The following SLC44A5 variants were observed in gnomAD, a reference collection of about 807,000 sequenced individuals.
The protein encoded by SLC44A5 is choline transporter-like protein 5.
SLC44A5 carries 57 observed loss-of-function variants against 101.8 expected under a neutral mutation model. The ratio of observed to expected loss-of-function variants is 0.56; its 90% CI spans 0.45 to 0.70. The LOEUF is 0.70. Ranked by LOEUF, SLC44A5 falls within the 30% of genes least tolerant of loss-of-function variation. SLC44A5 has a pLI of 0.00. For synonymous variants in SLC44A5, 281 were observed against 290.9 expected, an observed-to-expected ratio of 0.97 and a Z score of 0.35; for missense variants, 737 against 853.1, an observed-to-expected ratio of 0.86 and a Z score of 1.70.
intron 2 of SLC44A5, among the ~76,000 whole-genome samples, chr1:75,446,416 G>T (rs577581307): frequency 1.3e-5 from 2 of 152,154 alleles, no homozygotes; most frequent in African/African-American, 4.8e-5. Context: ...GAAATGTTGA[G>T]ATTACTCACT....
chr1:75,355,533 T>C (rs1659000613), intron 3 of SLC44A5, among the ~76,000 whole-genome samples: 1 of 152,222 alleles, frequency 6.6e-6, no homozygotes, highest in Non-Finnish European at 1.5e-5. Flanking sequence ...CTGTTACATA[T>C]TAAGTGACAT....
chr1:75,527,624 T>C (rs1252416156), intron 2 of SLC44A5, among the ~76,000 whole-genome samples: 1 of 152,180 alleles, frequency 6.6e-6, no homozygotes, highest in Admixed American at 6.5e-5. Context: ...TACCACCTAT[T>C]GATTGGCAAC....
intron 4 of SLC44A5, among the ~76,000 whole-genome samples, chr1:75,309,030 T>C (rs1276960010): frequency 6.6e-6 from 1 of 152,158 alleles, no homozygotes; most frequent in Non-Finnish European, 1.5e-5. Context: ...TTTTTAGTAA[T>C]TTATACCATG....
At chr1:75,723,322 C>T in the SLC44A5 span, among the ~76,000 whole-genome samples, 1 of 152,114 alleles carries the variant, frequency 6.6e-6, no homozygotes, top group Non-Finnish European at 1.5e-5. Flanking sequence ...GCGCCCGTTC[C>T]CAACATCAGT....
chr1:75,644,841 C>T, the SLC44A5 span, among the ~76,000 whole-genome samples: 1 of 150,040 alleles, frequency 6.7e-6, no homozygotes, highest in Non-Finnish European at 1.5e-5. Context: ...TTCCTGTGTC[C>T]AAGTGTTATT....
intron 3 of SLC44A5, among the ~76,000 whole-genome samples, chr1:75,340,816 T>C (rs947710368): frequency 2.0e-5 from 3 of 152,176 alleles, no homozygotes; most frequent in Non-Finnish European, 4.4e-5. Flanking sequence ...AACTGCAAAA[T>C]ATAAACCTCG....
intron 2 of SLC44A5, among the ~76,000 whole-genome samples, chr1:75,415,849 A>T (rs2101535165): frequency 6.6e-6 from 1 of 152,292 alleles, no homozygotes; most frequent in South Asian, 2.1e-4. Context: ...TGGAACTTTG[A>T]ACTTGAGAGT....
intron 2 of SLC44A5, among the ~76,000 whole-genome samples, chr1:75,475,042 A>G (rs1482460915): frequency 6.6e-6 from 1 of 152,246 alleles, no homozygotes; most frequent in Non-Finnish European, 1.5e-5. Context: ...TTATTCACAC[A>G]TCAGCAGGAA....
intron 12 of SLC44A5, among the ~76,000 whole-genome samples, chr1:75,230,128 A>T (rs922173288): frequency 2.6e-5 from 4 of 152,120 alleles, no homozygotes; most frequent in Non-Finnish European, 5.9e-5. Flanking sequence ...TTAATCTAAC[A>T]TTTTTATTTT....
chr1:75,705,116 T>C, the SLC44A5 span, among the ~76,000 whole-genome samples: 1 of 152,164 alleles, frequency 6.6e-6, no homozygotes, highest in African/African-American at 2.4e-5. Context: ...AAAAATCAGA[T>C]ATATAGCATA....
At chr1:75,610,943 G>A (rs1382847707) in intron 1 of SLC44A5, 97 bp downstream of exon 1, 1 of 292,830 alleles carries the variant, frequency 3.4e-6, no homozygotes, top group Non-Finnish European at 5.1e-6. Context: ...GTGTGTGTGT[G>A]TATTTCTTGA....
At chr1:75,576,893 G>A (rs904907262) in intron 1 of SLC44A5, among the ~76,000 whole-genome samples, 4 of 152,122 alleles carry the variant, frequency 2.6e-5, no homozygotes, top group Non-Finnish European at 5.9e-5. Context: ...ACAATACTGG[G>A]AATTACCTCA....
chr1:75,536,103 G>C (rs540439452), intron 2 of SLC44A5, among the ~76,000 whole-genome samples: 16 of 151,526 alleles, frequency 1.1e-4, no homozygotes, highest in Admixed American at 2.0e-4. Context: ...ATCCGAAACA[G>C]TAGGTAGAAA....
At chr1:75,690,477 T>G in the SLC44A5 span, among the ~76,000 whole-genome samples, 2 of 151,816 alleles carry the variant, frequency 1.3e-5, no homozygotes, top group Non-Finnish European at 2.9e-5. Context: ...GAGGGGAAAA[T>G]GAGACAAGAA....
intron 3 of SLC44A5, among the ~76,000 whole-genome samples, chr1:75,346,844 C>T (rs560244222): frequency 1.1e-4 from 17 of 152,132 alleles, no homozygotes; most frequent in African/African-American, 1.9e-4. Flanking sequence ...AAAGGTTATG[C>T]AATTCATTAT....
chr1:75,611,432 T>A (rs761074486), upstream of SLC44A5, among the ~76,000 whole-genome samples: 1 of 152,102 alleles, frequency 6.6e-6, no homozygotes. Flanking sequence ...AAGAAAATCA[T>A]CCAATATACC....
At chr1:75,582,562 G>A in intron 1 of SLC44A5, 1 of 446,792 alleles carries the variant, frequency 2.2e-6, no homozygotes, top group Non-Finnish European at 4.0e-6. Context: ...GTTCAAAGTA[G>A]AGATCTCCAT....
chr1:75,712,643 T>C, the SLC44A5 span, among the ~76,000 whole-genome samples: 299 of 130,470 alleles, frequency 2.3e-3, 2 homozygotes, highest in African/African-American at 8.2e-3. Flanking sequence ...AAAAACATAA[T>C]GTAATGTGCC....
intron 3 of SLC44A5, among the ~76,000 whole-genome samples, chr1:75,368,631 TA>T (rs1290721815): frequency 1.4e-5 from 2 of 146,764 alleles, no homozygotes; most frequent in African/African-American, 5.1e-5. Flanking sequence ...TCTGTCTCTT[TA>T]AAATGTGCAT....
Sources: gnomAD v4.1 joint callset for allele counts (sites outside exome capture counted in the v4.1 genomes callset) on GRCh38, gnomAD v4.1.1 for gene constraint, MANE v1.5 for transcripts, NCBI Gene and HGNC (gene_info 2026-07-23, HGNC 2026-07-21) for gene names.